The following MTR variants were observed in gnomAD, a reference collection of about 807,000 sequenced individuals.
The protein encoded by MTR is 5-methyltetrahydrofolate-homocysteine methyltransferase, also known as methionine synthase.
In MTR, 84 loss-of-function variants were observed where a neutral mutation model predicts 154.8. That is an observed-to-expected ratio of 0.54 (90% CI 0.45 to 0.65). MTR has a LOEUF of 0.65. MTR is among the 30% of genes least tolerant of loss of function. The pLI, the probability that MTR is intolerant of heterozygous loss-of-function variation, is 0.00. For missense variants in MTR, 1,275 were observed against 1,570.2 expected, an observed-to-expected ratio of 0.81 and a Z score of 3.18; for synonymous variants, 554 against 553.9, an observed-to-expected ratio of 1.00 and a Z score of 0.00.
At chr1:236,884,053 A>G (rs1186220958) in intron 25 of MTR, among the ~76,000 whole-genome samples, 2 of 152,234 alleles carry the variant, frequency 1.3e-5, no homozygotes, top group Non-Finnish European at 2.9e-5. Flanking sequence ...CTTGATAATC[A>G]TAATAACAAA....
At chr1:236,896,824 C>T (rs539935787) in intron 31 of MTR, among the ~76,000 whole-genome samples, 182 bp from the exon 32 acceptor site, 8 of 152,306 alleles carry the variant, frequency 5.3e-5, no homozygotes, top group Admixed American at 6.5e-5. Context: ...TGTTTCTTCA[C>T]CTGGCAGGAA....
chr1:236,835,813 CA>C, intron 14 of MTR, 126 bp downstream of exon 14: 1 of 1,301,876 alleles, frequency 7.7e-7, no homozygotes, highest in Non-Finnish European at 1.1e-6. Context: ...ACATCGAAAA[CA>C]GGGTAGTTTC....
At chr1:236,857,403 ATG>A (rs913102320) in intron 18 of MTR, among the ~76,000 whole-genome samples, 1 of 152,240 alleles carries the variant, frequency 6.6e-6, no homozygotes, top group Non-Finnish European at 1.5e-5. Flanking sequence ...TCCCTTAAAA[ATG>A]TGACTTTGAA....
Position 236,810,524 on chromosome 1 carries a change from G to A in MTR, c.431G>A (p.Gly144Glu). The A allele has an allele frequency of 6.2e-7, 1 of 1,613,770 alleles. No individual in the cohort carries two copies. Among genetic ancestry groups the A allele is most frequent in the Admixed American group, 1.7e-5 (1 of 60,004 alleles). The change falls in exon 5 of 33, where the codon GGG becomes GAG. Residue 144 changes from glycine (G) to glutamate (E), a missense_variant. Coordinates refer to ENST00000366577, the MANE Select transcript of MTR (RefSeq NM_000254.3). ...AAAGGAATTAAGAGGTTTGTGGCAG[G>A]GGCTCTGGGTCCGACTAATAAGACA... Reference protein sequence around the residue: ...LQTGIKRFVAGALGPTNKTLS... With the variant: ...LQTGIKRFVAEALGPTNKTLS...
rs569304788 is a variant in MTR at position 236,813,424 on chromosome 1, C to T, written c.609+580C>T. On this transcript the variant is annotated intron_variant, in intron 6 of 32. Coordinates refer to ENST00000366577, the MANE Select transcript of MTR (RefSeq NM_000254.3). ...AAATTGCTGAATCAAAGGGTATATG[C>T]GTTGTTAATTTTTATCTTTAGTGTC... Among the ~76,000 whole-genome samples, 252 of 152,246 alleles carry T rather than the reference C, an allele frequency of 1.7e-3. 2 individuals are homozygous for T. The highest frequency in any genetic ancestry group is 3.4e-3 in the Middle Eastern group (1 of 294).
intron 16 of MTR, among the ~76,000 whole-genome samples, chr1:236,850,829 C>G (rs1663857564): frequency 6.6e-6 from 1 of 152,064 alleles, no homozygotes; most frequent in South Asian, 2.1e-4. Context: ...GAGGCCCTGC[C>G]TTGAACAAAA....
At chr1:236,807,259 C>T (rs545719692) in intron 3 of MTR, among the ~76,000 whole-genome samples, 4 of 152,150 alleles carry the variant, frequency 2.6e-5, no homozygotes, top group South Asian at 2.1e-4. Context: ...CTGCAACCTC[C>T]GCCTCCTGGG....
chr1:236,886,762 T>C (rs1666032224), intron 27 of MTR, among the ~76,000 whole-genome samples: 1 of 152,226 alleles, frequency 6.6e-6, no homozygotes, highest in African/African-American at 2.4e-5. Flanking sequence ...CCCCGTCTCC[T>C]TGAAGGAAGT....
chr1:236,856,629 C>T (rs1030053365), intron 18 of MTR, among the ~76,000 whole-genome samples: 1 of 151,846 alleles, frequency 6.6e-6, no homozygotes, highest in Non-Finnish European at 1.5e-5. Flanking sequence ...TTTGCTGCAC[C>T]ATCACCCCAT....
chr1:236,804,658 A>G (rs1228990931), intron 2 of MTR, among the ~76,000 whole-genome samples: 1 of 152,172 alleles, frequency 6.6e-6, no homozygotes, highest in African/African-American at 2.4e-5. Flanking sequence ...TTCTTTTAAA[A>G]AAAACTTAAA....
chr1:236,801,377 CT>C (rs998138749), intron 1 of MTR, among the ~76,000 whole-genome samples: 6 of 152,176 alleles, frequency 3.9e-5, no homozygotes, highest in African/African-American at 1.2e-4. Context: ...GCAAATTTTT[CT>C]TTTAGGTTAC....
intron 13 of MTR, among the ~76,000 whole-genome samples, chr1:236,833,026 C>T (rs1662704961): frequency 6.6e-6 from 1 of 151,992 alleles, no homozygotes; most frequent in African/African-American, 2.4e-5. Flanking sequence ...CACAGGGTGA[C>T]TTTTTTTTGT....
At chr1:236,835,753 C>T (rs1234517416) in intron 14 of MTR, 66 bp downstream of exon 14, 2 of 1,593,142 alleles carry the variant, frequency 1.3e-6, no homozygotes, top group Non-Finnish European at 1.7e-6. Flanking sequence ...TTTAACCGTG[C>T]CAGTTGTCCC....
Position 236,831,105 on chromosome 1 carries a change from T to G in MTR, c.1076-861T>G, listed in dbSNP as rs1662585449. Reference sequence around the variant, plus strand: ...GGCATATGGGAAGTTGCCCCAAGGTTGTTCATTCAGGTAAGTGATTTGAAC... The same window carrying G: ...GGCATATGGGAAGTTGCCCCAAGGTGGTTCATTCAGGTAAGTGATTTGAAC... On this transcript the variant is annotated intron_variant, in intron 12 of 32. Transcript: ENST00000366577. Among the ~76,000 whole-genome samples the G allele has an allele frequency of 2.0e-5, 3 of 152,248 alleles. No individual in the cohort carries two copies. The South Asian group carries it at 6.2e-4, about 31-fold the overall frequency.
chr1:236,805,291 A>T (rs1377093960), intron 2 of MTR, among the ~76,000 whole-genome samples: 1 of 152,064 alleles, frequency 6.6e-6, no homozygotes, highest in Non-Finnish European at 1.5e-5. Context: ...TCAGGGTTTC[A>T]GTAGGGATGT....
chr1:236,884,070 T>G (rs948373311), intron 25 of MTR, among the ~76,000 whole-genome samples: 2 of 152,234 alleles, frequency 1.3e-5, no homozygotes, highest in South Asian at 4.1e-4. Context: ...CAAATAATAT[T>G]TAGCTGATCC....
intron 31 of MTR, among the ~76,000 whole-genome samples, chr1:236,895,761 A>G (rs1349815196): frequency 1.3e-5 from 2 of 152,220 alleles, no homozygotes; most frequent in African/African-American, 4.8e-5. Context: ...AGATGTATCA[A>G]TTTAAATTAT....
chr1:236,836,579 G>A (rs1422375992), intron 14 of MTR, among the ~76,000 whole-genome samples: 1 of 152,142 alleles, frequency 6.6e-6, no homozygotes, highest in Non-Finnish European at 1.5e-5. Flanking sequence ...AAACTTCCTA[G>A]TGCTCTAAGA....
At chr1:236,861,311 G>T (rs1000551932) in intron 20 of MTR, 34 bp downstream of exon 20, 9 of 1,613,288 alleles carry the variant, frequency 5.6e-6, no homozygotes, top group African/African-American at 1.3e-5. Flanking sequence ...TTTCACAGTT[G>T]CATCTTTTCT....
Sources: allele counts gnomAD v4.1 joint callset (sites outside exome capture counted in the v4.1 genomes callset), GRCh38; gene constraint gnomAD v4.1.1; transcripts MANE v1.5; gene names NCBI Gene and HGNC (gene_info 2026-07-23, HGNC 2026-07-21).